The following LIPA variants were observed in gnomAD, a reference collection of about 807,000 sequenced individuals.
LIPA encodes lysosomal acid lipase/cholesteryl ester hydrolase.
LIPA carries 26 observed loss-of-function variants against 40.6 expected under a neutral mutation model. The observed-to-expected ratio is 0.64, with a 90% CI of 0.47 to 0.89. LIPA has a LOEUF of 0.89. LIPA is among the 40% of genes least tolerant of loss of function. The probability of loss-of-function intolerance (pLI) is 0.00; values close to 1 mark genes in which losing one functional copy is unlikely to be tolerated. For missense variants in LIPA, 455 were observed against 479.6 expected (o/e 0.95, Z 0.48); for synonymous variants, 188 against 168.4 (o/e 1.12, Z -0.90).
intron 1 of LIPA, among the ~76,000 whole-genome samples, chr10:89,312,632 C>A (rs536247442): frequency 6.6e-6 from 1 of 151,476 alleles, no homozygotes; most frequent in Non-Finnish European, 1.5e-5. Flanking sequence ...CACGGTGAAA[C>A]CCCATCTCTA....
chr10:89,337,262 C>T (rs1342159661), intron 1 of LIPA, among the ~76,000 whole-genome samples: 1 of 152,162 alleles, frequency 6.6e-6, no homozygotes, highest in East Asian at 1.9e-4. Context: ...GGGATAATCT[C>T]TATTTTTCTT....
At chr10:89,302,137 T>C (rs753425334) in intron 1 of LIPA, 4 of 1,613,790 alleles carry the variant, frequency 2.5e-6, no homozygotes, top group South Asian at 1.1e-5. Context: ...AGGTAAATAT[T>C]TTCCCTTCGT....
intron 2 of LIPA, among the ~76,000 whole-genome samples, chr10:89,350,263 C>A (rs889881480): frequency 1.5e-5 from 2 of 136,420 alleles, no homozygotes; most frequent in Admixed American, 1.5e-4. Flanking sequence ...GTGCACCGGC[C>A]CAGTCAGATT....
At chr10:89,265,742 A>G (rs1464518580) in intron 1 of LIPA, among the ~76,000 whole-genome samples, 1 of 152,204 alleles carries the variant, frequency 6.6e-6, no homozygotes, top group African/African-American at 2.4e-5. Context: ...GCTCCTCCTA[A>G]ATTGCAAGTT....
At chr10:89,310,808 G>C (rs1843511292) in intron 1 of LIPA, among the ~76,000 whole-genome samples, 1 of 152,194 alleles carries the variant, frequency 6.6e-6, no homozygotes, top group African/African-American at 2.4e-5. Flanking sequence ...GTTCTCTGTA[G>C]GCTGCTGTTG....
upstream of LIPA, among the ~76,000 whole-genome samples, chr10:89,343,789 G>A (rs969358619): frequency 2.6e-5 from 4 of 152,100 alleles, no homozygotes; most frequent in African/African-American, 9.7e-5. Context: ...ACTTATGTGT[G>A]GGACAGTGAT....
intron 2 of LIPA, chr10:89,383,205 A>T: frequency 1.1e-6 from 1 of 913,036 alleles, no homozygotes; most frequent in Non-Finnish European, 1.7e-6. Context: ...GGCACCAGAT[A>T]ATGGAGGCAG....
chr10:89,340,106 C>G, intron 1 of LIPA: 3 of 1,601,894 alleles, frequency 1.9e-6, no homozygotes, highest in South Asian at 2.2e-5. Flanking sequence ...GAGCTCCTCT[C>G]TAACTCAGAG....
intron 1 of LIPA, among the ~76,000 whole-genome samples, chr10:89,342,218 C>G (rs2133579322): frequency 6.6e-6 from 1 of 152,198 alleles, no homozygotes; most frequent in Non-Finnish European, 1.5e-5. Context: ...TAATGAAATG[C>G]TAGATGGAAT....
intron 1 of LIPA, among the ~76,000 whole-genome samples, chr10:89,298,074 A>G (rs141941633): frequency 6.6e-6 from 1 of 152,356 alleles, no homozygotes; most frequent in East Asian, 1.9e-4. Flanking sequence ...TACACTTATC[A>G]GAACCCAAGG....
At chr10:89,261,478 C>T (rs922901944) in intron 1 of LIPA, among the ~76,000 whole-genome samples, 1 of 151,624 alleles carries the variant, frequency 6.6e-6, no homozygotes, top group African/African-American at 2.4e-5. Flanking sequence ...GCACTCCAGC[C>T]GGGGTGACAG....
chr10:89,230,518 C>A (rs1842826753), intron 3 of LIPA, among the ~76,000 whole-genome samples: 1 of 152,080 alleles, frequency 6.6e-6, no homozygotes, highest in Non-Finnish European at 1.5e-5. Flanking sequence ...TGTTCCCAGG[C>A]TGGTCTCAAA....
intron 2 of LIPA, among the ~76,000 whole-genome samples, chr10:89,372,690 G>A (rs1044814127): frequency 6.6e-6 from 1 of 152,198 alleles, no homozygotes; most frequent in Non-Finnish European, 1.5e-5. Context: ...TGTTTGGATC[G>A]CAGGTTCCTT....
chr10:89,397,590 G>T (rs1844363322), intron 2 of LIPA, among the ~76,000 whole-genome samples: 1 of 152,116 alleles, frequency 6.6e-6, no homozygotes, highest in African/African-American at 2.4e-5. Flanking sequence ...TGCCCAGACT[G>T]ATCTTAAACT....
intron 7 of LIPA, 88 bp from the exon 8 acceptor site, chr10:89,222,670 T>G (rs1842715751): frequency 1.2e-6 from 1 of 867,792 alleles, no homozygotes; most frequent in Non-Finnish European, 2.0e-6. Context: ...TTCAAAGCAC[T>G]AAAAACTAGA....
chr10:89,260,623 G>A (rs2133486130), intron 1 of LIPA, among the ~76,000 whole-genome samples: 1 of 152,228 alleles, frequency 6.6e-6, no homozygotes, highest in African/African-American at 2.4e-5. Flanking sequence ...CTGGTACATG[G>A]GGCCTCAGAG....
chr10:89,250,085 T>C (rs1843093526), intron 1 of LIPA, among the ~76,000 whole-genome samples: 1 of 122,606 alleles, frequency 8.2e-6, no homozygotes, highest in African/African-American at 3.5e-5. Flanking sequence ...TTTTTTCTTT[T>C]TCTTTTTCTT....
intron 2 of LIPA, among the ~76,000 whole-genome samples, chr10:89,412,120 C>T (rs112646333): frequency 6.1e-4 from 93 of 152,278 alleles, no homozygotes; most frequent in African/African-American, 2.1e-3. Context: ...CCTACAGGGC[C>T]CCTTCTTCGC....
intron 1 of LIPA, chr10:89,307,323 G>T: frequency 1.2e-6 from 2 of 1,612,726 alleles, no homozygotes; most frequent in Non-Finnish European, 1.7e-6. Flanking sequence ...TCTGAGAGGG[G>T]TTTGGAGTCT....
Sources: gnomAD v4.1 joint callset for allele counts (sites outside exome capture counted in the v4.1 genomes callset) on GRCh38, gnomAD v4.1.1 for gene constraint, MANE v1.5 for transcripts, NCBI Gene and HGNC (gene_info 2026-07-23, HGNC 2026-07-21) for gene names.